The following IGFL2 variants were observed in gnomAD, a reference collection of about 807,000 sequenced individuals.
The protein encoded by IGFL2 is IGF like family member 2.
IGFL2 carries 7 observed loss-of-function variants against 13.9 expected under a neutral mutation model. The observed-to-expected ratio is 0.51, with a 90% CI of 0.29 to 0.95. IGFL2 has a LOEUF of 0.95. IGFL2 is among the 40% of genes least tolerant of loss of function. The pLI is 0.08. For missense variants in IGFL2, 138 were observed against 147.8 expected (o/e 0.93, Z 0.34); for synonymous variants, 55 against 55.8 (o/e 0.99, Z 0.07).
the IGFL2 span, among the ~76,000 whole-genome samples, chr19:46,079,589 C>T: frequency 1.3e-5 from 2 of 152,170 alleles, no homozygotes; most frequent in Admixed American, 1.3e-4. Flanking sequence ...GCCTCAGGCG[C>T]TTTGGAAACG....
chr19:46,098,485 T>TA, the IGFL2 span, among the ~76,000 whole-genome samples: 5 of 150,028 alleles, frequency 3.3e-5, no homozygotes, highest in East Asian at 9.7e-4. Flanking sequence ...TGTCTTTTTT[T>TA]TTTTTTTTTT....
chr19:46,155,344 G>A (rs574679433), intron 1 of IGFL2, among the ~76,000 whole-genome samples: 1 of 152,286 alleles, frequency 6.6e-6, no homozygotes, highest in South Asian at 2.1e-4. Context: ...TTTCTTGTCC[G>A]TGACTACCCA....
the IGFL2 span, among the ~76,000 whole-genome samples, chr19:46,123,725 A>G: frequency 6.6e-6 from 1 of 150,902 alleles, no homozygotes; most frequent in South Asian, 2.1e-4. Context: ...GAAGAAAGGC[A>G]GACTTATAGC....
the IGFL2 span, among the ~76,000 whole-genome samples, chr19:46,185,899 C>T: frequency 3.3e-5 from 5 of 152,122 alleles, no homozygotes; most frequent in Non-Finnish European, 5.9e-5. Flanking sequence ...CTATGAGCCC[C>T]GGGAAATTTT....
the IGFL2 span, among the ~76,000 whole-genome samples, chr19:46,187,401 C>T: frequency 1.3e-3 from 131 of 100,170 alleles, no homozygotes; most frequent in Middle Eastern, 0.011. Context: ...TGATCAGAGA[C>T]GGTGAGCATT....
chr19:46,161,637 C>T (rs1209340723), downstream of IGFL2, among the ~76,000 whole-genome samples: 2 of 152,078 alleles, frequency 1.3e-5, no homozygotes, highest in Admixed American at 1.3e-4. Flanking sequence ...AGGATTGCAA[C>T]TCCTGCTTTT....
At chr19:46,081,774 C>T in the IGFL2 span, among the ~76,000 whole-genome samples, 1 of 152,232 alleles carries the variant, frequency 6.6e-6, no homozygotes, top group Admixed American at 6.5e-5. Context: ...CTGTCCTGTG[C>T]TCAGATCCCA....
At chr19:46,195,433 A>C in the IGFL2 span, among the ~76,000 whole-genome samples, 1 of 152,196 alleles carries the variant, frequency 6.6e-6, no homozygotes, top group African/African-American at 2.4e-5. Context: ...AAAATGTTAA[A>C]TGTGCCCTTC....
upstream of IGFL2, among the ~76,000 whole-genome samples, chr19:46,143,937 T>TG (rs889798534): frequency 4.2e-4 from 64 of 152,352 alleles, no homozygotes; most frequent in African/African-American, 1.5e-3. Context: ...CAACCCCAAC[T>TG]GGGGCTACAG....
chr19:46,130,926 A>T, the IGFL2 span, among the ~76,000 whole-genome samples: 2 of 151,990 alleles, frequency 1.3e-5, no homozygotes, highest in African/African-American at 4.8e-5. Flanking sequence ...GATATTTTAA[A>T]TTTTTATGCA....
At chr19:46,175,645 T>C in the IGFL2 span, among the ~76,000 whole-genome samples, 1 of 151,924 alleles carries the variant, frequency 6.6e-6, no homozygotes, top group Non-Finnish European at 1.5e-5. Context: ...TTCAAGTGAT[T>C]CTCCTGCCTC....
chr19:46,206,168 C>T, the IGFL2 span, among the ~76,000 whole-genome samples: 1 of 152,094 alleles, frequency 6.6e-6, no homozygotes, highest in Non-Finnish European at 1.5e-5. Context: ...GCCCCACTGC[C>T]CTCCCTCGAA....
chr19:46,085,076 A>G, the IGFL2 span, among the ~76,000 whole-genome samples: 2 of 152,204 alleles, frequency 1.3e-5, no homozygotes, highest in African/African-American at 4.8e-5. Flanking sequence ...TCGCTCTCCA[A>G]AAGGGAGAAG....
the IGFL2 span, among the ~76,000 whole-genome samples, chr19:46,114,201 C>T: frequency 1.7e-4 from 26 of 152,266 alleles, no homozygotes; most frequent in Non-Finnish European, 2.9e-4. Context: ...TTAGGAGCAA[C>T]GTAGGAAAGC....
chr19:46,187,480 G>T, the IGFL2 span, among the ~76,000 whole-genome samples: 1 of 133,492 alleles, frequency 7.5e-6, no homozygotes, highest in African/African-American at 3.0e-5. Context: ...GCATTAACCC[G>T]TTTAAACCTG....
At chr19:46,180,083 A>G in the IGFL2 span, among the ~76,000 whole-genome samples, 905 of 152,276 alleles carry the variant, frequency 5.9e-3, 7 homozygotes, top group Middle Eastern at 0.017. Context: ...GAATGCTGCA[A>G]TGGAGTTTCG....
chr19:46,140,246 TATA>T (rs1972800684), upstream of IGFL2, among the ~76,000 whole-genome samples: 2 of 6,030 alleles, frequency 3.3e-4, no homozygotes, highest in Admixed American at 7.2e-4. Context: ...ACGCCCAGCC[TATA>T]TATATATATA....
downstream of IGFL2, among the ~76,000 whole-genome samples, chr19:46,163,019 A>G (rs1284590311): frequency 6.6e-6 from 1 of 152,108 alleles, no homozygotes; most frequent in Non-Finnish European, 1.5e-5. Flanking sequence ...TGGGGTCTTT[A>G]TTTGAAACTG....
chr19:46,086,532 C>T, the IGFL2 span, among the ~76,000 whole-genome samples: 17 of 152,294 alleles, frequency 1.1e-4, no homozygotes, highest in Non-Finnish European at 2.1e-4. Context: ...CCATGTTGGC[C>T]AGGCTCATCT....
Sources: allele counts gnomAD v4.1 joint callset (sites outside exome capture counted in the v4.1 genomes callset), GRCh38; gene constraint gnomAD v4.1.1; transcripts MANE v1.5; gene names NCBI Gene and HGNC (gene_info 2026-07-23, HGNC 2026-07-21).